The following INTS12 variants were observed in gnomAD, a reference collection of about 807,000 sequenced individuals.
The protein encoded by INTS12 is PHD finger protein 22.
A neutral mutation model predicts 41.6 loss-of-function variants in INTS12; 13 were observed. That is an observed-to-expected ratio of 0.31 (90% CI 0.20 to 0.50). INTS12 has a LOEUF of 0.50. INTS12 is among the 20% of genes least tolerant of loss of function. INTS12 has a pLI of 0.98. For synonymous variants in INTS12, 199 were observed against 191.4 expected, an observed-to-expected ratio of 1.04 and a Z score of -0.33; for missense variants, 432 against 541.6, an observed-to-expected ratio of 0.80 and a Z score of 2.01.
At chr4:105,693,607 A>G in intron 4 of INTS12, 121 bp from the exon 5 acceptor site, 1 of 715,122 alleles carries the variant, frequency 1.4e-6, no homozygotes, top group Non-Finnish European at 2.4e-6. Context: ...ATATATTCAC[A>G]TAGTTAGGGA....
rs145257296 is a variant in INTS12 at position 105,699,018 on chromosome 4, T to C, written c.156+832A>G. On this transcript the variant is annotated intron_variant, in intron 3 of 7. Coordinates refer to ENST00000340139, the MANE Select transcript of INTS12 (RefSeq NM_020395.4). ...AGAGTTGTCATTCAGTGACAGCCTA[T>C]TATGTACCAGGCAGGTACTACACTA... Among the ~76,000 whole-genome samples the C allele has an allele frequency of 2.2e-4, 33 of 152,334 alleles. No homozygotes were observed. The East Asian group carries it at 6.2e-3, about 28-fold the overall frequency.
chr4:105,690,210 G>A (rs1219061735), intron 6 of INTS12, among the ~76,000 whole-genome samples: 1 of 152,134 alleles, frequency 6.6e-6, no homozygotes, highest in Admixed American at 6.5e-5. Flanking sequence ...GAGAGAGAGG[G>A]CTGTAAGGTA....
intron 6 of INTS12, among the ~76,000 whole-genome samples, chr4:105,688,704 G>A (rs1731577407): frequency 6.6e-6 from 1 of 152,060 alleles, no homozygotes; most frequent in Admixed American, 6.5e-5. Flanking sequence ...CCCACATCTA[G>A]CACTCCTGAG....
intron 3 of INTS12, among the ~76,000 whole-genome samples, chr4:105,698,363 T>A (rs1181862096): frequency 2.0e-5 from 3 of 152,210 alleles, no homozygotes; most frequent in Non-Finnish European, 4.4e-5. Flanking sequence ...AATCTAGTGA[T>A]GAAAATATTC....
intron 7 of INTS12, among the ~76,000 whole-genome samples, chr4:105,686,315 C>T (rs1731495432): frequency 6.6e-6 from 1 of 152,170 alleles, no homozygotes; most frequent in African/African-American, 2.4e-5. Flanking sequence ...TCTCAAACTC[C>T]TGACCTCAGG....
chr4:105,702,130 CTTTTTTTTTTTT>C (rs950826694), intron 2 of INTS12, among the ~76,000 whole-genome samples: 2 of 109,508 alleles, frequency 1.8e-5, no homozygotes, highest in African/African-American at 3.7e-5. Flanking sequence ...ATTTCTATTT[CTTTTTTTTTTTT>C]TTTTTTTTTT....
At chr4:105,701,849 C>A in intron 2 of INTS12, among the ~76,000 whole-genome samples, 1 of 152,054 alleles carries the variant, frequency 6.6e-6, no homozygotes, top group East Asian at 1.9e-4. Flanking sequence ...AAAATGAAAG[C>A]CAAGTATTTA....
chr4:105,688,079 A>G (rs962804129), intron 6 of INTS12, among the ~76,000 whole-genome samples: 1 of 152,356 alleles, frequency 6.6e-6, no homozygotes, highest in South Asian at 2.1e-4. Flanking sequence ...TTTGTTTCAA[A>G]GGTGGGTTAT....
At position 105,693,439 on chromosome 4, in the gene INTS12, T is replaced by C; in HGVS notation, c.357A>G (p.Arg119=). The change falls in exon 5 of 8, where the codon AGA becomes AGG. Residue 119 remains arginine, a synonymous_variant. Coordinates refer to ENST00000340139, the MANE Select transcript of INTS12 (RefSeq NM_020395.4). ...TEGVDIPKKP[R]LEKPETQSSP... ...ATGACTGTGTTTCTGGTTTCTCCAA[T>C]CTAGGTTTCTTTGGAATATCAACTC... 6.2e-7 allele frequency: 1 copy of C among 1,613,724 alleles called. No homozygotes were observed.
chr4:105,683,793 T>A, intron 7 of INTS12, among the ~76,000 whole-genome samples: 1 of 152,064 alleles, frequency 6.6e-6, no homozygotes, highest in Non-Finnish European at 1.5e-5. Flanking sequence ...AGAGATTCAG[T>A]CAATATTTAT....
intron 7 of INTS12, among the ~76,000 whole-genome samples, chr4:105,686,409 G>C (rs1578379736): frequency 6.6e-6 from 1 of 152,100 alleles, no homozygotes; most frequent in Non-Finnish European, 1.5e-5. Context: ...CCAGATTTCT[G>C]ATTGAAGACA....
rs1055122583 is a variant in INTS12, at chr4:105,693,503, T to C, written c.310-17A>G. The C allele has an allele frequency of 3.8e-6, 6 of 1,593,724 alleles. No homozygotes were observed. The highest frequency in any genetic ancestry group is 4.3e-6 in the Non-Finnish European group (5 of 1,164,136). On this transcript the variant is annotated splice_polypyrimidine_tract_variant and intron_variant, in intron 4 of 7. Transcript: ENST00000340139. ...TGATTTCATCTATAAAAAGCAGGCA[T>C]CAGAAAATGATAAAGTAATGTGGTA...
At chr4:105,708,166 G>A in intron 1 of INTS12, 2 of 985,436 alleles carry the variant, frequency 2.0e-6, no homozygotes, top group Non-Finnish European at 2.4e-6. Context: ...GGGACACCTG[G>A]AATCGCAGGA....
intron 3 of INTS12, among the ~76,000 whole-genome samples, chr4:105,699,488 C>T (rs1406107221): frequency 1.3e-5 from 2 of 152,046 alleles, no homozygotes; most frequent in African/African-American, 2.4e-5. Context: ...TGTCCTTTTA[C>T]TTGATTTTTT....
intron 7 of INTS12, among the ~76,000 whole-genome samples, chr4:105,684,755 T>G (rs1474674875): frequency 6.6e-6 from 1 of 152,122 alleles, no homozygotes; most frequent in African/African-American, 2.4e-5. Context: ...AACCTTTAAT[T>G]TTCAGTTATG....
At chr4:105,692,745 TC>T (rs992424230) in intron 5 of INTS12, among the ~76,000 whole-genome samples, 3 of 152,190 alleles carry the variant, frequency 2.0e-5, no homozygotes, top group African/African-American at 7.2e-5. Context: ...TGATTAGTCT[TC>T]CAACAGCCTC....
chr4:105,686,633 A>G lies in INTS12; in HGVS notation c.804+59T>C. On this transcript the variant is annotated intron_variant, in intron 7 of 7. Coordinates refer to ENST00000340139, the MANE Select transcript of INTS12 (RefSeq NM_020395.4). ...TCATTAAATTTTTTATCAAGCAACT[A>G]TTTTTTAGTCAACTAAACTTTAAGA... 4.4e-6 allele frequency: 6 copies of G among 1,361,106 alleles called. No homozygotes were observed. In the South Asian group the frequency reaches 5.3e-5, roughly 12 times the overall value. The allele number at this position is 1,361,106 out of a possible 1,614,324, so 84.3% of individuals were successfully genotyped here.
intron 6 of INTS12, among the ~76,000 whole-genome samples, chr4:105,687,637 C>G (rs1474376843): frequency 1.3e-5 from 2 of 152,154 alleles, no homozygotes; most frequent in African/African-American, 4.8e-5. Flanking sequence ...GAGTCAAACA[C>G]AGTTAGGATT....
At chr4:105,694,998 C>T (rs1014737084) in intron 4 of INTS12, among the ~76,000 whole-genome samples, 4 of 151,970 alleles carry the variant, frequency 2.6e-5, no homozygotes, top group African/African-American at 9.7e-5. Context: ...GATCACCGCT[C>T]ACTGCAATCT....
Sources: allele counts gnomAD v4.1 joint callset (sites outside exome capture counted in the v4.1 genomes callset), GRCh38; gene constraint gnomAD v4.1.1; transcripts MANE v1.5; gene names NCBI Gene and HGNC (gene_info 2026-07-23, HGNC 2026-07-21).